SCN8A: variants seen among roughly 807,000 people sequenced by gnomAD.
The protein encoded by SCN8A is sodium voltage-gated channel alpha subunit 8.
In SCN8A, 30 loss-of-function variants were observed where a neutral mutation model predicts 184.1. The observed-to-expected ratio is 0.16, with a 90% CI of 0.12 to 0.22. The LOEUF (loss-of-function observed/expected upper bound fraction) is 0.22, where lower values mean the gene tolerates loss of function less well. SCN8A is among the 10% of genes least tolerant of loss of function. The probability of loss-of-function intolerance (pLI) is 1.00; values close to 1 mark genes in which losing one functional copy is unlikely to be tolerated. For missense variants in SCN8A, 1,057 were observed against 2,498.9 expected (o/e 0.42, Z 12.30); for synonymous variants, 852 against 907.0 (o/e 0.94, Z 1.09).
In SCN8A at chr12:51,620,011, T is replaced by G. The variant is rs1160308575; in HGVS notation, c.-55+28652T>G. On this transcript the variant is annotated intron_variant, in intron 1 of 26. Coordinates refer to ENST00000627620, the MANE Select transcript of SCN8A (RefSeq NM_001330260.2). Reference sequence around the variant, plus strand: ...AGCCCTGCAAAAGTGATAATCATTTTTTTCCTGGTCCCTAGATCAAGACAT... The same window carrying G: ...AGCCCTGCAAAAGTGATAATCATTTGTTTCCTGGTCCCTAGATCAAGACAT... Among the ~76,000 whole-genome samples the G allele has an allele frequency of 1.2e-4, 18 of 152,332 alleles. No individual in the cohort carries two copies. In the East Asian group the frequency reaches 3.5e-3, roughly 29 times the overall value.
chr12:51,632,709 T>C (rs1940223075), intron 1 of SCN8A, among the ~76,000 whole-genome samples: 2 of 152,256 alleles, frequency 1.3e-5, no homozygotes, highest in East Asian at 1.9e-4. Context: ...TAATATAATA[T>C]TTACTTTGGA....
rs1328050443 is a variant in SCN8A at position 51,810,766 on chromosome 12, G to A, written c.*3337G>A. 6.5e-6 allele frequency: 1 copy of A among 152,748 alleles called. No homozygotes were observed. The highest frequency in any genetic ancestry group is 1.5e-5 in the Non-Finnish European group (1 of 68,500). The allele number at this position is 152,748 out of a possible 1,614,324, so 9.5% of individuals were successfully genotyped here. On this transcript the variant is annotated 3_prime_UTR_variant, in exon 27 of 27. Transcript: ENST00000627620. Reference sequence around the variant, plus strand: ...CCTTAACCTCCTTGTTGCTTAGGATGAGGAGACTCTGTAATTTAAAGCAGA... The same window carrying A: ...CCTTAACCTCCTTGTTGCTTAGGATAAGGAGACTCTGTAATTTAAAGCAGA...
intron 12 of SCN8A, among the ~76,000 whole-genome samples, chr12:51,735,814 A>G (rs764152653): frequency 7.9e-5 from 12 of 152,102 alleles, no homozygotes; most frequent in Non-Finnish European, 1.5e-4. Flanking sequence ...AGGTGTCTTG[A>G]TGGTATCCAA....
chr12:51,703,262 GTTTTT>G (rs1941723964), intron 9 of SCN8A, among the ~76,000 whole-genome samples: 1 of 151,760 alleles, frequency 6.6e-6, no homozygotes, highest in South Asian at 2.1e-4. Flanking sequence ...GTTTTGTTTT[GTTTTT>G]GAGGTAGGTA....
chr12:51,749,544 T>C (rs1390367092), intron 13 of SCN8A, among the ~76,000 whole-genome samples: 2 of 152,142 alleles, frequency 1.3e-5, no homozygotes, highest in African/African-American at 4.8e-5. Context: ...GGGAGAAAAC[T>C]ATATTTACCT....
At chr12:51,651,397 G>A (rs913700637) in intron 1 of SCN8A, among the ~76,000 whole-genome samples, 22 of 152,156 alleles carry the variant, frequency 1.4e-4, no homozygotes, top group African/African-American at 4.3e-4. Flanking sequence ...TAGAGATGGG[G>A]TTTCTCTATG....
intron 1 of SCN8A, among the ~76,000 whole-genome samples, chr12:51,653,971 T>C (rs1592357554): frequency 6.6e-6 from 1 of 152,350 alleles, no homozygotes; most frequent in Middle Eastern, 3.4e-3. Context: ...CATCTTTTCA[T>C]GTGCTTATTG....
At chr12:51,673,482 C>T (rs1237292778) in intron 2 of SCN8A, among the ~76,000 whole-genome samples, 5 of 152,104 alleles carry the variant, frequency 3.3e-5, no homozygotes, top group African/African-American at 7.2e-5. Flanking sequence ...GGAGAGAAGA[C>T]TTTTCAAACT....
In SCN8A at chr12:51,769,121, T is replaced by G. The variant is rs587780453; in HGVS notation, c.3158T>G (p.Ile1053Ser). The part of the protein sequence containing the change: ...NCIANHTGAD[I>S]HRNGDFQKNG... ...ATCGCCAATCACACCGGTGCAGACA[T>G]CCACCGGAATGGTGACTTCCAGAAG... The change falls in exon 17 of 27, where the codon ATC becomes AGC. Residue 1053 changes from isoleucine to serine, a missense_variant. Transcript: ENST00000627620. 65 of 1,613,262 alleles carry G rather than the reference T, an allele frequency of 4.0e-5. No homozygotes were observed. The South Asian group carries it at 7.0e-4, about 17-fold the overall frequency.
chr12:51,760,301 G>A (rs1942742928), intron 14 of SCN8A, among the ~76,000 whole-genome samples: 1 of 152,170 alleles, frequency 6.6e-6, no homozygotes, highest in South Asian at 2.1e-4. Flanking sequence ...ACAGCTAATA[G>A]TTATAGGTGT....
At chr12:51,709,602 G>A (rs1205593222) in intron 11 of SCN8A, among the ~76,000 whole-genome samples, 3 of 152,270 alleles carry the variant, frequency 2.0e-5, no homozygotes, top group South Asian at 2.1e-4. Flanking sequence ...TTAAAGACAT[G>A]TTTTAGTCCA....
chr12:51,646,233 C>T (rs541496583), intron 1 of SCN8A, among the ~76,000 whole-genome samples: 13 of 152,272 alleles, frequency 8.5e-5, no homozygotes, highest in Non-Finnish European at 1.3e-4. Flanking sequence ...ACCAGTTAGA[C>T]GGTTGCTATG....
At chr12:51,646,291 G>T (rs898739176) in intron 1 of SCN8A, among the ~76,000 whole-genome samples, 6 of 152,200 alleles carry the variant, frequency 3.9e-5, no homozygotes, top group Non-Finnish European at 7.3e-5. Context: ...GAGTTAGATG[G>T]TAAATATTTC....
In SCN8A at chr12:51,645,048, C is replaced by T. The variant is rs538761835; in HGVS notation, c.-54-17716C>T. Among the ~76,000 whole-genome samples, 395 of 151,162 alleles carry T rather than the reference C, an allele frequency of 2.6e-3. 1 individual carries two copies. Among genetic ancestry groups the T allele is most frequent in the African/African-American group, 9.3e-3 (382 of 41,042 alleles). On this transcript the variant is annotated intron_variant, in intron 1 of 26. Transcript: ENST00000627620. The stretch of plus-strand genomic sequence containing the variant: ...GAGGTGGGGGGGTCAGCCCCCCACC[C>T]GGCCAGCCGCCCCGTCCGGGAGGGA...
At chr12:51,717,183 C>T (rs1194341726) in intron 11 of SCN8A, among the ~76,000 whole-genome samples, 1 of 152,224 alleles carries the variant, frequency 6.6e-6, no homozygotes, top group Non-Finnish European at 1.5e-5. Context: ...ACGAACTCTT[C>T]TTTCAAAGGC....
chr12:51,622,464 T>C (rs1241639905), intron 1 of SCN8A, among the ~76,000 whole-genome samples: 1 of 152,208 alleles, frequency 6.6e-6, no homozygotes, highest in Non-Finnish European at 1.5e-5. Context: ...TCCCTTGTTT[T>C]TTAATAACCT....
chr12:51,780,158 A>G (rs938952891), intron 20 of SCN8A: 1 of 450,376 alleles, frequency 2.2e-6, no homozygotes, highest in Admixed American at 2.4e-5. Flanking sequence ...AGGAGGGGGC[A>G]GCTTGTGTGG....
intron 1 of SCN8A, among the ~76,000 whole-genome samples, chr12:51,619,350 TC>T (rs1428245303): frequency 6.6e-6 from 1 of 152,178 alleles, no homozygotes; most frequent in Non-Finnish European, 1.5e-5. Flanking sequence ...AATTTCAAAC[TC>T]TCCTTATTAT....
chr12:51,734,118 GT>G (rs963275780), intron 12 of SCN8A, among the ~76,000 whole-genome samples: 59 of 151,848 alleles, frequency 3.9e-4, no homozygotes, highest in African/African-American at 1.3e-3. Context: ...CTAATTTGGG[GT>G]TTTGTTTGCC....
Sources: allele counts gnomAD v4.1 joint callset (sites outside exome capture counted in the v4.1 genomes callset), GRCh38; gene constraint gnomAD v4.1.1; transcripts MANE v1.5; gene names NCBI Gene and HGNC (gene_info 2026-07-23, HGNC 2026-07-21).